The following PRKG1 variants were observed in gnomAD, a reference collection of about 807,000 sequenced individuals.
PRKG1 encodes cGMP-dependent protein kinase 1.
PRKG1 carries 35 observed loss-of-function variants against 88.1 expected under a neutral mutation model. That is an observed-to-expected ratio of 0.40 (90% CI 0.30 to 0.53). PRKG1 has a LOEUF of 0.53. Ranked by LOEUF, PRKG1 falls within the 20% of genes least tolerant of loss-of-function variation. PRKG1 has a pLI of 0.59. For missense variants in PRKG1, 540 were observed against 839.8 expected, an observed-to-expected ratio of 0.64 and a Z score of 4.41; for synonymous variants, 303 against 292.5, an observed-to-expected ratio of 1.04 and a Z score of -0.37.
intron 3 of PRKG1, among the ~76,000 whole-genome samples, chr10:51,523,038 C>T (rs117082154): frequency 0.013 from 1,974 of 152,166 alleles, 19 homozygotes; most frequent in Non-Finnish European, 0.021. Context: ...CAGTTTTGTC[C>T]GGTAACTCTG....
At chr10:51,688,382 G>T (rs1441623394) in intron 3 of PRKG1, among the ~76,000 whole-genome samples, 6 of 152,058 alleles carry the variant, frequency 3.9e-5, no homozygotes, top group African/African-American at 1.2e-4. Flanking sequence ...GAAGGAGGAG[G>T]ACTGGAATGG....
intron 2 of PRKG1, among the ~76,000 whole-genome samples, chr10:51,291,385 A>G (rs1178728236): frequency 1.3e-5 from 2 of 152,076 alleles, no homozygotes; most frequent in Admixed American, 6.6e-5. Flanking sequence ...CCCCACTCGG[A>G]TCTTCTTTTC....
At chr10:52,267,917 T>C (rs1186666045) in intron 10 of PRKG1, among the ~76,000 whole-genome samples, 1 of 152,132 alleles carries the variant, frequency 6.6e-6, no homozygotes, top group Non-Finnish European at 1.5e-5. Context: ...CATTCTTGAA[T>C]GATCTTTGGG....
At chr10:51,553,624 T>G (rs1486388041) in intron 3 of PRKG1, among the ~76,000 whole-genome samples, 1 of 151,480 alleles carries the variant, frequency 6.6e-6, no homozygotes, top group East Asian at 1.9e-4. Flanking sequence ...CCATGTCACT[T>G]TCTTCTTAAA....
chr10:52,095,253 C>T (rs1325852098), intron 7 of PRKG1, among the ~76,000 whole-genome samples: 1 of 152,098 alleles, frequency 6.6e-6, no homozygotes, highest in Non-Finnish European at 1.5e-5. Flanking sequence ...TCTTGATATA[C>T]TAAATTCCTC....
At chr10:51,019,409 C>A (rs1310567239) in intron 1 of PRKG1, among the ~76,000 whole-genome samples, 1 of 152,068 alleles carries the variant, frequency 6.6e-6, no homozygotes, top group African/African-American at 2.4e-5. Context: ...ACAATCTTTT[C>A]AAACAAATGG....
intron 9 of PRKG1, among the ~76,000 whole-genome samples, chr10:52,199,416 C>T (rs1839599385): frequency 1.3e-5 from 2 of 152,072 alleles, no homozygotes; most frequent in African/African-American, 4.8e-5. Context: ...AACCAGACCT[C>T]CTAAATTGGC....
intron 3 of PRKG1, among the ~76,000 whole-genome samples, chr10:51,789,797 G>A (rs1444468827): frequency 1.3e-5 from 2 of 151,862 alleles, no homozygotes; most frequent in Non-Finnish European, 2.9e-5. Context: ...TCTTGTCTTT[G>A]CCACCTTATT....
chr10:51,263,784 A>G (rs1167392822), intron 2 of PRKG1, among the ~76,000 whole-genome samples: 2 of 152,240 alleles, frequency 1.3e-5, no homozygotes, highest in African/African-American at 2.4e-5. Flanking sequence ...CTAGTTGAAT[A>G]AGGTAACAAC....
intron 9 of PRKG1, among the ~76,000 whole-genome samples, chr10:52,178,175 T>C (rs1838916715): frequency 1.3e-5 from 2 of 152,060 alleles, no homozygotes; most frequent in South Asian, 2.1e-4. Context: ...CTGTGTCCCA[T>C]AGGTCCATAA....
chr10:51,309,879 T>A (rs1025130645), intron 2 of PRKG1, among the ~76,000 whole-genome samples: 1 of 152,048 alleles, frequency 6.6e-6, no homozygotes, highest in South Asian at 2.1e-4. Flanking sequence ...ATAAAGAAAA[T>A]GTGGTATACA....
chr10:51,467,894 G>C (rs1419657765), intron 3 of PRKG1, 58 bp downstream of exon 3: 1 of 1,388,554 alleles, frequency 7.2e-7, no homozygotes, highest in Non-Finnish European at 1.0e-6. Flanking sequence ...AGGCCTTTGA[G>C]ATGTTGTTTA....
chr10:51,121,048 C>T (rs1845247152), intron 1 of PRKG1, among the ~76,000 whole-genome samples: 1 of 152,118 alleles, frequency 6.6e-6, no homozygotes, highest in Admixed American at 6.6e-5. Flanking sequence ...GGCCCCATCC[C>T]ATCTTCAAAG....
intron 9 of PRKG1, among the ~76,000 whole-genome samples, chr10:52,183,958 C>T (rs1839116594): frequency 1.3e-5 from 2 of 152,204 alleles, no homozygotes; most frequent in African/African-American, 4.8e-5. Context: ...TCCCTCCTGT[C>T]TCCAGGTCAA....
chr10:51,406,497 T>G (rs1039831602), intron 2 of PRKG1, among the ~76,000 whole-genome samples: 1 of 152,130 alleles, frequency 6.6e-6, no homozygotes, highest in Non-Finnish European at 1.5e-5. Context: ...TGGAATCCAC[T>G]TAGGAAAAAC....
At position 51,415,375 on chromosome 10, in the gene PRKG1, G is replaced by C. The variant is rs143356091; in HGVS notation, c.479-52348G>C. Among the ~76,000 whole-genome samples, 361 of 152,170 alleles carry C rather than the reference G, an allele frequency of 2.4e-3. 5 individuals carry two copies. The East Asian group carries it at 0.029, about 12-fold the overall frequency. The stretch of plus-strand genomic sequence containing the variant: ...GCTTAATTCTTGTTATTTTTTTGGT[G>C]CTGCTCACTATTCTGTTGCCTTATT... On this transcript the variant is annotated intron_variant, in intron 2 of 17. Transcript: ENST00000373980.
At chr10:51,276,048 T>C (rs1840108495) in intron 2 of PRKG1, among the ~76,000 whole-genome samples, 1 of 152,102 alleles carries the variant, frequency 6.6e-6, no homozygotes, top group Admixed American at 6.5e-5. Context: ...ATGTGCCATG[T>C]TGGTGTGCTG....
At chr10:51,306,835 C>T (rs1364551574) in intron 2 of PRKG1, 4 of 152,202 alleles carry the variant, frequency 2.6e-5, no homozygotes, top group Non-Finnish European at 4.4e-5. Flanking sequence ...TCCCTCAAAA[C>T]TCCTCTAAGG....
At chr10:51,856,797 C>A (rs1408817831) in intron 4 of PRKG1, among the ~76,000 whole-genome samples, 2 of 151,486 alleles carry the variant, frequency 1.3e-5, no homozygotes, top group African/African-American at 4.8e-5. Flanking sequence ...AACCCCGTCT[C>A]TACTACAAAT....
Sources: gnomAD v4.1 joint callset for allele counts (sites outside exome capture counted in the v4.1 genomes callset) on GRCh38, gnomAD v4.1.1 for gene constraint, MANE v1.5 for transcripts, NCBI Gene and HGNC (gene_info 2026-07-23, HGNC 2026-07-21) for gene names.